The following TUT4 variants were observed in gnomAD, a reference collection of about 807,000 sequenced individuals.
TUT4 encodes terminal uridylyltransferase 4.
Under a neutral mutation model 192.2 loss-of-function variants are expected in TUT4, and 36 were observed. That is an observed-to-expected ratio of 0.19 (90% CI 0.14 to 0.25). The LOEUF (loss-of-function observed/expected upper bound fraction) is 0.25. TUT4 is among the 10% of genes least tolerant of loss of function. The pLI, the probability that TUT4 is intolerant of heterozygous loss-of-function variation, is 1.00. For missense variants in TUT4, 1,493 were observed against 1,957.2 expected, an observed-to-expected ratio of 0.76 and a Z score of 4.47; for synonymous variants, 618 against 666.0, an observed-to-expected ratio of 0.93 and a Z score of 1.11.
intron 3 of TUT4, among the ~76,000 whole-genome samples, chr1:52,512,363 T>C (rs770497742): frequency 1.3e-5 from 2 of 152,240 alleles, no homozygotes; most frequent in Non-Finnish European, 2.9e-5. Flanking sequence ...AATAGTCCTA[T>C]GAGCTAGGTG....
At chr1:52,476,535 C>T (rs1667117325) in intron 12 of TUT4, among the ~76,000 whole-genome samples, 1 of 152,064 alleles carries the variant, frequency 6.6e-6, no homozygotes, top group Non-Finnish European at 1.5e-5. Flanking sequence ...TATTAACAGG[C>T]CAGGCTTCAA....
intron 12 of TUT4, among the ~76,000 whole-genome samples, chr1:52,476,843 C>A (rs1415502271): frequency 6.6e-6 from 1 of 152,146 alleles, no homozygotes; most frequent in Non-Finnish European, 1.5e-5. Flanking sequence ...GCTGAACAGA[C>A]TAAAACGGAC....
intron 8 of TUT4, 35 bp downstream of exon 8, chr1:52,490,697 G>GT (rs778014238): frequency 2.6e-6 from 4 of 1,564,078 alleles, no homozygotes; most frequent in Admixed American, 3.9e-5. Context: ...GTTGGGGTTT[G>GT]TTTTTTTAAA....
Position 52,425,333 on chromosome 1 carries a change from T to G in TUT4, c.4870+16A>C. The G allele has an allele frequency of 1.9e-6, 3 of 1,610,118 alleles. No homozygotes were observed. Among genetic ancestry groups the G allele is most frequent in the Non-Finnish European group, 2.5e-6 (3 of 1,177,630 alleles). On this transcript the variant is annotated intron_variant, in intron 29 of 29. Coordinates refer to ENST00000257177, the MANE Select transcript of TUT4 (RefSeq NM_001009881.3). ...AACCCACCCAAGCCTGTTAACTAATTTGTAAGCAGTGGTACCTTGAGTATA... is the reference window on the plus strand; with the variant it reads ...AACCCACCCAAGCCTGTTAACTAATGTGTAAGCAGTGGTACCTTGAGTATA...
At position 52,446,019 on chromosome 1, in the gene TUT4, T is replaced by C. The variant is rs770395824; in HGVS notation, c.3692-15A>G. On this transcript the variant is annotated splice_polypyrimidine_tract_variant and intron_variant, in intron 22 of 29. Transcript: ENST00000257177. ...GTCAAAAGGGTCTACAAAAGAAATA[T>C]ATCAATGATTAAGAATTACATTCAC... 2 of 1,592,974 alleles carry C rather than the reference T, an allele frequency of 1.3e-6. No individual in the cohort carries two copies. The highest frequency in any genetic ancestry group is 1.8e-4 in the Middle Eastern group (1 of 5,708).
intron 4 of TUT4, among the ~76,000 whole-genome samples, chr1:52,502,675 G>A (rs377680382): frequency 2.1e-5 from 3 of 139,864 alleles, no homozygotes; most frequent in Admixed American, 1.5e-4. Flanking sequence ...TTGGCGTGGC[G>A]TGCAATTGAG....
intron 1 of TUT4, among the ~76,000 whole-genome samples, chr1:52,546,377 G>T (rs1688097519): frequency 6.6e-6 from 1 of 152,104 alleles, no homozygotes; most frequent in Non-Finnish European, 1.5e-5. Flanking sequence ...TAAAAAAGAA[G>T]GAAATTCTGC....
chr1:52,425,411 T>C lies in TUT4; in HGVS notation c.4808A>G (p.His1603Arg), dbSNP rs773618461. The stretch of plus-strand genomic sequence containing the variant: ...ATTTCCCTGATGCATGAAGTTTTGA[T>C]GCAAACCATAAGGCCACGAAGCTGG... The part of the protein sequence containing the change: ...LVPASWPYGL[H>R]QNFMHQGNAR... Residue 1603 changes from histidine to arginine, a missense_variant, in exon 29 of 30, where the codon CAT becomes CGT. This residue lies in a region of TUT4 where 351 missense variants were observed against 397.8 expected (regional missense o/e 0.88). Coordinates refer to ENST00000257177, the MANE Select transcript of TUT4 (RefSeq NM_001009881.3). The C allele has an allele frequency of 6.2e-7, 1 of 1,614,044 alleles. No homozygotes were observed. Among genetic ancestry groups the C allele is most frequent in the Non-Finnish European group, 8.5e-7 (1 of 1,179,958 alleles).
At chr1:52,458,858 T>C (rs929697763) in intron 19 of TUT4, among the ~76,000 whole-genome samples, 15 of 152,136 alleles carry the variant, frequency 9.9e-5, no homozygotes, top group Admixed American at 8.5e-4. Flanking sequence ...CCTGCAAACA[T>C]GCCAAAACAT....
chr1:52,440,434 T>G (rs957241217), intron 24 of TUT4, among the ~76,000 whole-genome samples: 1 of 74,220 alleles, frequency 1.3e-5, no homozygotes, highest in Non-Finnish European at 2.5e-5. Flanking sequence ...CCATCCTGTG[T>G]TTTTTTTTTT....
Position 52,477,863 on chromosome 1 carries a change from G to A in TUT4, c.1868C>T (p.Thr623Ile), listed in dbSNP as rs1414496447. 1 of 1,609,122 alleles carries A rather than the reference G, an allele frequency of 6.2e-7. No individual in the cohort carries two copies. The highest frequency in any genetic ancestry group is 1.1e-5 in the South Asian group (1 of 90,246). The stretch of plus-strand genomic sequence containing the variant: ...CTGTCCCAAGGATACCCGATTTGGT[G>A]TTTCCAATGCTAAAGGAGACTGGAA... ...KHGKSPLALE[T>I]PNRVSLGQLW... The change falls in exon 12 of 30, where the codon ACA becomes ATA. Residue 623 changes from threonine to isoleucine, a missense_variant. Thr to Ile is a moderately conservative substitution (Grantham distance 89, BLOSUM62 -1). Around this residue, in one of 7 missense-constraint regions of TUT4, gnomAD observed 437 missense variants for 577.6 expected, o/e 0.76. Transcript: ENST00000257177.
chr1:52,492,490 C>T (rs2149100022), intron 7 of TUT4, among the ~76,000 whole-genome samples: 1 of 151,708 alleles, frequency 6.6e-6, no homozygotes, highest in South Asian at 2.1e-4. Context: ...TAGCCTATCT[C>T]ATTCTTACAA....
rs1671891154 is a variant in TUT4, at chr1:52,494,210, A to T, written c.1267-548T>A. Among the ~76,000 whole-genome samples the T allele has an allele frequency of 2.6e-5, 4 of 152,174 alleles. No individual in the cohort carries two copies. In the South Asian group the frequency reaches 8.3e-4, roughly 31 times the overall value. On this transcript the variant is annotated intron_variant, in intron 6 of 29. Coordinates refer to ENST00000257177, the MANE Select transcript of TUT4 (RefSeq NM_001009881.3). The stretch of plus-strand genomic sequence containing the variant: ...CTTAGAATTAATGGTTTCTTAAAGC[A>T]AGAAAAGGTTCTGGAATTTCCCATC...
chr1:52,425,797 GAC>G (rs1003973532), intron 28 of TUT4, among the ~76,000 whole-genome samples: 22 of 144,770 alleles, frequency 1.5e-4, no homozygotes, highest in African/African-American at 5.1e-4. Context: ...GAAGGTTAGA[GAC>G]AGTCTTCGTA....
At chr1:52,452,190 A>G (rs980425427) in intron 20 of TUT4, among the ~76,000 whole-genome samples, 6 of 152,140 alleles carry the variant, frequency 3.9e-5, no homozygotes, top group African/African-American at 7.2e-5. Flanking sequence ...CTCATGAACA[A>G]TGATGCAAAA....
intron 24 of TUT4, among the ~76,000 whole-genome samples, chr1:52,441,444 A>ATTTTTTTTTTTT (rs557710242): frequency 2.8e-4 from 33 of 119,956 alleles, no homozygotes; most frequent in Non-Finnish European, 4.1e-4. Context: ...TCTCGGCTAA[A>ATTTTTTTTTTTT]TTTTTTTTTT....
intron 20 of TUT4, among the ~76,000 whole-genome samples, chr1:52,458,083 C>G (rs1661478711): frequency 6.6e-6 from 1 of 152,172 alleles, no homozygotes; most frequent in Non-Finnish European, 1.5e-5. Flanking sequence ...CACTCTAAGA[C>G]TGTAAAATTT....
At chr1:52,517,317 T>A (rs537478466) in intron 2 of TUT4, among the ~76,000 whole-genome samples, 1 of 152,356 alleles carries the variant, frequency 6.6e-6, no homozygotes, top group South Asian at 2.1e-4. Context: ...TCTGAGCTAA[T>A]GCTCTGTGTC....
chr1:52,459,657 G>A (rs1254793124), intron 19 of TUT4, among the ~76,000 whole-genome samples: 2 of 151,978 alleles, frequency 1.3e-5, no homozygotes, highest in East Asian at 1.9e-4. Context: ...AGGCCGAGGC[G>A]GGCGGAGGAG....
Sources: gnomAD v4.1 joint callset for allele counts (sites outside exome capture counted in the v4.1 genomes callset) on GRCh38, gnomAD v4.1.1 for gene constraint, gnomAD v4.1.1 regional missense constraint, MANE v1.5 for transcripts, NCBI Gene and HGNC (gene_info 2026-07-23, HGNC 2026-07-21) for gene names.